The following TRPM3 variants were observed in gnomAD, a reference collection of about 807,000 sequenced individuals.
TRPM3 encodes long transient receptor potential channel 3.
TRPM3 carries 77 observed loss-of-function variants against 181.2 expected under a neutral mutation model. That is an observed-to-expected ratio of 0.42 (90% CI 0.35 to 0.51). TRPM3 has a LOEUF of 0.51. TRPM3 is among the 20% of genes least tolerant of loss of function. The pLI, the probability that TRPM3 is intolerant of heterozygous loss-of-function variation, is 0.01. For missense variants in TRPM3, 1,759 were observed against 2,196.7 expected (o/e 0.80, Z 3.98); for synonymous variants, 745 against 796.4 (o/e 0.94, Z 1.09).
intron 9 of TRPM3, among the ~76,000 whole-genome samples, chr9:70,664,898 C>A (rs1037541513): frequency 2.3e-4 from 35 of 152,194 alleles, no homozygotes; most frequent in African/African-American, 8.4e-4. Context: ...GATCCACCCC[C>A]CTCAGCCTCC....
intron 1 of TRPM3, among the ~76,000 whole-genome samples, chr9:70,944,890 T>C (rs1204670921): frequency 6.7e-6 from 1 of 148,954 alleles, no homozygotes; most frequent in Non-Finnish European, 1.5e-5. Flanking sequence ...TGCTCACAGG[T>C]GAAAAAAAAA....
At chr9:70,618,118 A>G (rs1329946222) in intron 17 of TRPM3, among the ~76,000 whole-genome samples, 4 of 151,932 alleles carry the variant, frequency 2.6e-5, no homozygotes, top group Non-Finnish European at 5.9e-5. Flanking sequence ...TCAGTTTCAC[A>G]TTTTCCTTGA....
chr9:70,780,785 C>T (rs547343817), intron 7 of TRPM3, among the ~76,000 whole-genome samples: 1 of 152,124 alleles, frequency 6.6e-6, no homozygotes, highest in African/African-American at 2.4e-5. Flanking sequence ...CAAAACTTCT[C>T]TTTAGACTTC....
intron 1 of TRPM3, among the ~76,000 whole-genome samples, chr9:71,013,206 AAT>A (rs2097759450): frequency 6.6e-6 from 1 of 152,084 alleles, no homozygotes; most frequent in South Asian, 2.1e-4. Context: ...CTTTGGAGAT[AAT>A]ATGACTTTTT....
At chr9:71,438,453 T>G (rs2094081843) in intron 1 of TRPM3, among the ~76,000 whole-genome samples, 1 of 152,048 alleles carries the variant, frequency 6.6e-6, no homozygotes, top group Admixed American at 6.6e-5. Context: ...AAGGATCACT[T>G]GAGCCCAGGA....
Position 71,092,014 on chromosome 9 carries a change from A to G in TRPM3, c.177+29164T>C, listed in dbSNP as rs925884685. ...TACATCATCAGTCACATCTGTCTAT[A>G]CATAAAGAAACAGCCACATCGGTTT... On this transcript the variant is annotated intron_variant, in intron 1 of 25. Transcript: ENST00000677713. 3.9e-5 allele frequency among the ~76,000 whole-genome samples: 6 copies of G among 152,198 alleles called. No individual in the cohort carries two copies. In the East Asian group the frequency reaches 1.2e-3, roughly 29 times the overall value.
intron 1 of TRPM3, among the ~76,000 whole-genome samples, chr9:71,408,498 G>C (rs998671978): frequency 6.6e-6 from 1 of 152,162 alleles, no homozygotes; most frequent in Admixed American, 6.5e-5. Context: ...GGAAAAAAGG[G>C]TATCAGTGAT....
At chr9:70,893,459 A>G (rs189070815) in intron 1 of TRPM3, among the ~76,000 whole-genome samples, 1 of 152,304 alleles carries the variant, frequency 6.6e-6, no homozygotes, top group East Asian at 1.9e-4. Context: ...ACACTATATA[A>G]ATATGTTATG....
chr9:70,682,025 A>G (rs1297240010), intron 8 of TRPM3, among the ~76,000 whole-genome samples: 1 of 152,130 alleles, frequency 6.6e-6, no homozygotes, highest in Non-Finnish European at 1.5e-5. Flanking sequence ...TTTATGAACC[A>G]TTTGAATCTG....
rs147326707 is a variant in TRPM3, at chr9:70,549,147, A to G, written c.3707+395T>C. Reference sequence around the variant, plus strand: ...TATAAGGCAGGCACTAGGGCTGTTCAACTCCTCTGGAAAAGACGTGCAATA... The same window carrying G: ...TATAAGGCAGGCACTAGGGCTGTTCGACTCCTCTGGAAAAGACGTGCAATA... On this transcript the variant is annotated intron_variant, in intron 25 of 25. Transcript: ENST00000677713. 3.7e-3 allele frequency among the ~76,000 whole-genome samples: 570 copies of G among 152,350 alleles called. 6 individuals are homozygous for G. The highest frequency in any genetic ancestry group is 0.013 in the African/African-American group (536 of 41,578).
At chr9:71,407,240 C>T (rs1242440834) in intron 1 of TRPM3, among the ~76,000 whole-genome samples, 1 of 152,112 alleles carries the variant, frequency 6.6e-6, no homozygotes, top group East Asian at 1.9e-4. Flanking sequence ...ACAGTGGGTG[C>T]AGCCCATGAA....
At chr9:70,628,222 C>G (rs116431926) in intron 12 of TRPM3, among the ~76,000 whole-genome samples, 2,816 of 152,304 alleles carry the variant, frequency 0.018, 96 homozygotes, top group African/African-American at 0.062. Context: ...TTCATAGCCA[C>G]AGGGCTCCTA....
chr9:71,116,879 T>C (rs1445774328), intron 1 of TRPM3, among the ~76,000 whole-genome samples: 2 of 152,182 alleles, frequency 1.3e-5, no homozygotes, highest in Non-Finnish European at 2.9e-5. Flanking sequence ...GGACACTCCA[T>C]GGGGCTCATC....
intron 9 of TRPM3, among the ~76,000 whole-genome samples, chr9:70,655,305 C>CAAAAAAAAAAAAAAAAAAAAAAAAAAAAA (rs1169901529): frequency 3.0e-5 from 1 of 33,186 alleles, no homozygotes; most frequent in African/African-American, 9.3e-5. Flanking sequence ...GACTCCGTCT[C>CAAAAAAAAAAAAAAAAAAAAAAAAAAAAA]AAAAAAAAAA....
intron 6 of TRPM3, among the ~76,000 whole-genome samples, chr9:70,811,806 T>C (rs1397351130): frequency 1.3e-5 from 2 of 152,156 alleles, no homozygotes; most frequent in Non-Finnish European, 2.9e-5. Context: ...TTTCTTTTCT[T>C]TTCTTTTTAA....
intron 7 of TRPM3, chr9:70,775,555 A>G (rs549803291): frequency 1.3e-5 from 2 of 152,262 alleles, no homozygotes; most frequent in East Asian, 3.9e-4. Context: ...TCTTCAATGG[A>G]GTTTCACAAA....
chr9:70,953,237 T>C (rs1055661838), intron 1 of TRPM3, among the ~76,000 whole-genome samples: 8 of 152,216 alleles, frequency 5.3e-5, no homozygotes, highest in African/African-American at 1.9e-4. Flanking sequence ...AAAGTGCTTT[T>C]GTTTTTCCAC....
chr9:71,204,751 G>T (rs919169940), intron 1 of TRPM3, among the ~76,000 whole-genome samples: 17 of 152,252 alleles, frequency 1.1e-4, no homozygotes, highest in South Asian at 2.1e-4. Context: ...CTGCTATAAA[G>T]ACACATGCAC....
intron 1 of TRPM3, among the ~76,000 whole-genome samples, chr9:71,282,295 AAAAGAAAGAACG>A (rs1350235519): frequency 9.0e-6 from 1 of 111,332 alleles, no homozygotes; most frequent in Non-Finnish European, 2.0e-5. Context: ...GAAAGAAAGA[AAAAGAAAGAACG>A]AAAGAAAGAA....
Sources: allele counts gnomAD v4.1 joint callset (sites outside exome capture counted in the v4.1 genomes callset), GRCh38; gene constraint gnomAD v4.1.1; transcripts MANE v1.5; gene names NCBI Gene and HGNC (gene_info 2026-07-23, HGNC 2026-07-21).